Variants in EEF1AKMT2 observed in about 807,000 individuals in gnomAD.
EEF1AKMT2 encodes eukaryotic translation elongation factor 1 alpha lysine methyltransferase 2.
EEF1AKMT2 carries 32 observed loss-of-function variants against 35.8 expected under a neutral mutation model. The ratio of observed to expected loss-of-function variants is 0.89; its 90% CI spans 0.67 to 1.20. EEF1AKMT2 has a LOEUF of 1.20. EEF1AKMT2 is among the 50% of genes most tolerant of loss of function. EEF1AKMT2 has a pLI of 0.00. For missense variants in EEF1AKMT2, 330 were observed against 347.5 expected (o/e 0.95, Z 0.40); for synonymous variants, 121 against 133.7 (o/e 0.91, Z 0.65).
At chr10:124,766,782 A>T (rs967737175) in intron 4 of EEF1AKMT2, among the ~76,000 whole-genome samples, 1 of 152,174 alleles carries the variant, frequency 6.6e-6, no homozygotes, top group Admixed American at 6.5e-5. Flanking sequence ...CCTCATCCTA[A>T]ATGCCTATAT....
At chr10:124,777,328 A>C (rs543053658) in intron 3 of EEF1AKMT2, among the ~76,000 whole-genome samples, 1 of 152,234 alleles carries the variant, frequency 6.6e-6, no homozygotes, top group African/African-American at 2.4e-5. Flanking sequence ...ACAGAATATA[A>C]GATGTAACAC....
rs548373284 is a variant in EEF1AKMT2 at position 124,770,144 on chromosome 10, C to T, written c.399+4531G>A. ...CTAAAAAAATACAAAAATGGCCGGG[C>T]GTGGTAGCTCACACCTGTTATCCCA... is the stretch of plus-strand genomic sequence containing the variant. On this transcript the variant is annotated intron_variant, in intron 4 of 6. Transcript: ENST00000368836. 2.4e-4 allele frequency among the ~76,000 whole-genome samples: 36 copies of T among 151,846 alleles called. No homozygotes were observed. The South Asian group carries it at 4.8e-3, about 20-fold the overall frequency.
At chr10:124,756,590 A>G (rs1424783683), downstream of EEF1AKMT2, among the ~76,000 whole-genome samples, 1 of 152,240 alleles carries the variant, frequency 6.6e-6, no homozygotes, top group African/African-American at 2.4e-5. Context: ...CTCAGTAAGT[A>G]CTGACTCAAG....
At chr10:124,777,085 G>A (rs1950493536) in intron 3 of EEF1AKMT2, among the ~76,000 whole-genome samples, 1 of 151,872 alleles carries the variant, frequency 6.6e-6, no homozygotes, top group African/African-American at 2.4e-5. Flanking sequence ...TTTGAGACCA[G>A]CCTGGCCAAC....
At chr10:124,784,656 CAGGGT>C (rs979849876) in intron 3 of EEF1AKMT2, among the ~76,000 whole-genome samples, 13 of 151,618 alleles carry the variant, frequency 8.6e-5, no homozygotes, top group Non-Finnish European at 1.9e-4. Flanking sequence ...ATAGGCAGGG[CAGGGT>C]GGCTCACGCC....
At chr10:124,788,150 G>A (rs1950603352) in intron 3 of EEF1AKMT2, among the ~76,000 whole-genome samples, 1 of 151,914 alleles carries the variant, frequency 6.6e-6, no homozygotes, top group African/African-American at 2.4e-5. Context: ...CAGCCTTCAG[G>A]CCTTTAGATA....
At chr10:124,782,947 A>G in intron 3 of EEF1AKMT2, 1 of 429,294 alleles carries the variant, frequency 2.3e-6, no homozygotes, top group South Asian at 1.7e-5. Context: ...GAATAGATAA[A>G]AATAACTACC....
At chr10:124,788,869 G>A (rs527430732) in intron 3 of EEF1AKMT2, among the ~76,000 whole-genome samples, 174 bp downstream of exon 3, 1 of 151,918 alleles carries the variant, frequency 6.6e-6, no homozygotes, top group South Asian at 2.1e-4. Flanking sequence ...CTAGGACTCA[G>A]ATTGCCTAGG....
At chr10:124,761,528 C>G (rs1950330886) in intron 6 of EEF1AKMT2, among the ~76,000 whole-genome samples, 1 of 152,104 alleles carries the variant, frequency 6.6e-6, no homozygotes, top group African/African-American at 2.4e-5. Context: ...CAAAGCATCA[C>G]AGTATGGTTT....
chr10:124,770,959 T>C (rs1950427941), intron 4 of EEF1AKMT2, among the ~76,000 whole-genome samples: 1 of 152,220 alleles, frequency 6.6e-6, no homozygotes, highest in South Asian at 2.1e-4. Flanking sequence ...CATTGAAATC[T>C]TGAACCTCTC....
downstream of EEF1AKMT2, among the ~76,000 whole-genome samples, chr10:124,756,984 T>C (rs954793555): frequency 2.0e-5 from 3 of 152,164 alleles, no homozygotes; most frequent in African/African-American, 7.2e-5. Context: ...TCTATGGACA[T>C]CTCTGTTTCC....
At chr10:124,774,169 C>T (rs925554439) in intron 4 of EEF1AKMT2, among the ~76,000 whole-genome samples, 2 of 151,944 alleles carry the variant, frequency 1.3e-5, no homozygotes, top group African/African-American at 2.4e-5. Flanking sequence ...AGATCGAGAC[C>T]GTCCTGGCTA....
Position 124,762,355 on chromosome 10 carries a change from TG to T in EEF1AKMT2, c.819del (p.Thr274ProfsTer50). The T allele has an allele frequency of 8.0e-7, 1 of 1,255,134 alleles. No individual in the cohort carries two copies. Among genetic ancestry groups the T allele is most frequent in the South Asian group, 1.3e-5 (1 of 74,642 alleles). 77.7% of individuals were successfully genotyped at this position (1,255,134 alleles called of 1,614,324 possible). On this transcript the variant is annotated frameshift_variant, in exon 6 of 7. Coordinates refer to ENST00000368836, the MANE Select transcript of EEF1AKMT2 (RefSeq NM_212554.4). LOFTEE classifies it high-confidence loss of function. The part of the protein sequence containing the change: ...GLELLGSSDS[P>X]TWPPKVLGLY... ...AATCCCAGCACTTTGGGAGGCCAGG[TG>T]GGAGAATCACTTGAGCCCAGGAGTT... is the stretch of plus-strand genomic sequence containing the variant.
At chr10:124,783,079 A>C (rs1273759852) in intron 3 of EEF1AKMT2, 2 of 258,818 alleles carry the variant, frequency 7.7e-6, no homozygotes, top group African/African-American at 4.5e-5. Flanking sequence ...GTCCACTAGG[A>C]TGGCTATAAT....
At chr10:124,789,236 C>G in intron 2 of EEF1AKMT2, 79 bp from the exon 3 acceptor site, 1 of 864,958 alleles carries the variant, frequency 1.2e-6, no homozygotes, top group Non-Finnish European at 1.8e-6. Context: ...CTATTTATAC[C>G]ATATGCTCAA....
intron 4 of EEF1AKMT2, among the ~76,000 whole-genome samples, chr10:124,774,384 A>C: frequency 7.1e-6 from 1 of 139,950 alleles, no homozygotes; most frequent in Non-Finnish European, 1.5e-5. Context: ...CAAAAAAAAA[A>C]AAAAAAAAAA....
intron 3 of EEF1AKMT2, among the ~76,000 whole-genome samples, chr10:124,783,870 G>C (rs1950563462): frequency 6.6e-6 from 1 of 151,984 alleles, no homozygotes; most frequent in Admixed American, 6.6e-5. Flanking sequence ...AGTTGCCCAG[G>C]CTGGAGTGCA....
At chr10:124,767,511 C>CAAAAAAA (rs1193595891) in intron 4 of EEF1AKMT2, among the ~76,000 whole-genome samples, 1 of 60,134 alleles carries the variant, frequency 1.7e-5, no homozygotes. Context: ...GACACTGCCT[C>CAAAAAAA]AAAAAAAAAA....
rs1432060228 is a variant in EEF1AKMT2 at position 124,758,502 on chromosome 10, G to GT, written c.*2000dup. Reference sequence around the variant, plus strand: ...TCCTAACCTTATCAAAAGCTCTATGGTTAAAAAAAAAAAAAAAAAGAAAAC... The same window carrying GT: ...TCCTAACCTTATCAAAAGCTCTATGGTTTAAAAAAAAAAAAAAAAAGAAAAC... On this transcript the variant is annotated 3_prime_UTR_variant, in exon 7 of 7. Transcript: ENST00000368836. 1 of 100,332 alleles carries GT rather than the reference G, an allele frequency of 1.0e-5. No homozygotes were observed. The highest frequency in any genetic ancestry group is 3.5e-5 in the African/African-American group (1 of 28,956). The allele number at this position is 100,332 out of a possible 1,614,324, so 6.2% of individuals were successfully genotyped here.
Sources: gnomAD v4.1 joint callset for allele counts (sites outside exome capture counted in the v4.1 genomes callset) on GRCh38, gnomAD v4.1.1 for gene constraint, MANE v1.5 for transcripts, NCBI Gene and HGNC (gene_info 2026-07-23, HGNC 2026-07-21) for gene names.